TRPM3: variants seen among roughly 807,000 people sequenced by gnomAD.
The protein encoded by TRPM3 is long transient receptor potential channel 3.
In TRPM3, 77 loss-of-function variants were observed where a neutral mutation model predicts 181.2. The ratio of observed to expected loss-of-function variants is 0.42; its 90% CI spans 0.35 to 0.51. The LOEUF is 0.51. Ranked by LOEUF, TRPM3 falls within the 20% of genes least tolerant of loss-of-function variation. The pLI is 0.01. For missense variants in TRPM3, 1,759 were observed against 2,196.7 expected (o/e 0.80, Z 3.98); for synonymous variants, 745 against 796.4 (o/e 0.94, Z 1.09).
At chr9:71,275,378 A>G (rs1588238333) in intron 1 of TRPM3, among the ~76,000 whole-genome samples, 1 of 152,352 alleles carries the variant, frequency 6.6e-6, no homozygotes, top group East Asian at 1.9e-4. Context: ...GAAAGATATA[A>G]AAGAATAGTG....
intron 1 of TRPM3, among the ~76,000 whole-genome samples, chr9:71,117,276 A>C (rs1037630544): frequency 6.6e-6 from 1 of 152,172 alleles, no homozygotes; most frequent in Non-Finnish European, 1.5e-5. Flanking sequence ...ACCTCGCTGC[A>C]AAAATTCTTT....
At chr9:71,404,044 G>A (rs1424944436) in intron 1 of TRPM3, among the ~76,000 whole-genome samples, 3 of 152,156 alleles carry the variant, frequency 2.0e-5, no homozygotes, top group Admixed American at 6.6e-5. Flanking sequence ...AATGTCCAGT[G>A]TTTGTTCTAT....
intron 6 of TRPM3, among the ~76,000 whole-genome samples, chr9:70,791,263 C>G (rs2085323023): frequency 6.6e-6 from 1 of 152,088 alleles, no homozygotes; most frequent in Non-Finnish European, 1.5e-5. Flanking sequence ...AATCTTGCAC[C>G]TAAATTGATG....
At chr9:70,952,261 C>T (rs1376254760) in intron 1 of TRPM3, among the ~76,000 whole-genome samples, 2 of 152,116 alleles carry the variant, frequency 1.3e-5, no homozygotes, top group East Asian at 1.9e-4. Context: ...ACTATAACTG[C>T]AATTACATCT....
chr9:71,117,863 T>G (rs2072770705), intron 1 of TRPM3, among the ~76,000 whole-genome samples: 1 of 152,154 alleles, frequency 6.6e-6, no homozygotes, highest in Non-Finnish European at 1.5e-5. Context: ...TGCAACCCAT[T>G]TTTCAGAAGC....
intron 1 of TRPM3, among the ~76,000 whole-genome samples, chr9:71,058,157 TA>T (rs2060883364): frequency 1.3e-5 from 2 of 152,082 alleles, no homozygotes; most frequent in South Asian, 4.1e-4. Context: ...TAATATTAGA[TA>T]CATGTTTTAA....
intron 1 of TRPM3, among the ~76,000 whole-genome samples, chr9:71,102,881 G>A (rs1489226062): frequency 6.6e-6 from 1 of 152,096 alleles, no homozygotes; most frequent in African/African-American, 2.4e-5. Context: ...CTTGAAACAT[G>A]GGACATGGTC....
At chr9:70,664,962 C>T (rs1238105597) in intron 9 of TRPM3, among the ~76,000 whole-genome samples, 1 of 152,142 alleles carries the variant, frequency 6.6e-6, no homozygotes, top group African/African-American at 2.4e-5. Context: ...GAACGTACCT[C>T]TCACGCCCTC....
chr9:71,348,532 A>C lies in TRPM3; in HGVS notation c.183+98121T>G, dbSNP rs989669998. ...CATAGTTTGGTAGTTGACTTTTCTGAAAACAGTTTATTTATTTATATATTT... is the reference window on the plus strand; with the variant it reads ...CATAGTTTGGTAGTTGACTTTTCTGCAAACAGTTTATTTATTTATATATTT... On this transcript the variant is annotated intron_variant, in intron 1 of 24. Coordinates refer to the TRPM3 transcript ENST00000357533. 9.3e-5 allele frequency among the ~76,000 whole-genome samples: 14 copies of C among 150,056 alleles called. 1 individual carries two copies. The South Asian group carries it at 2.7e-3, about 29-fold the overall frequency.
chr9:71,161,376 C>T (rs1003011805), intron 1 of TRPM3, among the ~76,000 whole-genome samples: 1 of 152,030 alleles, frequency 6.6e-6, no homozygotes, highest in African/African-American at 2.4e-5. Flanking sequence ...ATCTATGACG[C>T]CCTGAACTTG....
intron 8 of TRPM3, among the ~76,000 whole-genome samples, chr9:70,743,758 C>T (rs547537245): frequency 6.6e-6 from 1 of 151,912 alleles, no homozygotes; most frequent in Admixed American, 6.6e-5. Context: ...CTAGGAAGAC[C>T]TTCCTAGAGT....
At chr9:71,220,128 T>C (rs529757208) in intron 1 of TRPM3, among the ~76,000 whole-genome samples, 1 of 152,162 alleles carries the variant, frequency 6.6e-6, no homozygotes, top group Non-Finnish European at 1.5e-5. Flanking sequence ...AAAAATTACA[T>C]GTTTAAAGCC....
intron 1 of TRPM3, among the ~76,000 whole-genome samples, chr9:71,045,945 G>C (rs1299191497): frequency 6.6e-6 from 1 of 151,596 alleles, no homozygotes; most frequent in African/African-American, 2.4e-5. Context: ...ATTTGCTAAT[G>C]TTTGACTTTC....
At chr9:70,931,693 T>C (rs1288460407) in intron 1 of TRPM3, among the ~76,000 whole-genome samples, 2 of 152,156 alleles carry the variant, frequency 1.3e-5, no homozygotes, top group South Asian at 4.1e-4. Context: ...AAATGACACA[T>C]CTTTTAGTAT....
intron 1 of TRPM3, among the ~76,000 whole-genome samples, chr9:70,896,194 C>T (rs2096276173): frequency 6.6e-6 from 1 of 152,114 alleles, no homozygotes; most frequent in South Asian, 2.1e-4. Context: ...GTTTTTGGTG[C>T]AGGCTGTTGT....
intron 1 of TRPM3, among the ~76,000 whole-genome samples, chr9:71,303,598 A>C (rs944696985): frequency 6.6e-6 from 1 of 152,204 alleles, no homozygotes; most frequent in African/African-American, 2.4e-5. Flanking sequence ...TTAGCTCATT[A>C]GTGAGAAGAT....
intron 1 of TRPM3, 95 bp downstream of exon 1, chr9:71,121,083 C>T: frequency 7.9e-7 from 1 of 1,272,464 alleles, no homozygotes; most frequent in Non-Finnish European, 1.1e-6. Context: ...TGCATTTAGG[C>T]TCCCCCAAAG....
Position 70,784,391 on chromosome 9 carries a change from G to C in TRPM3, c.974-112C>G, listed in dbSNP as rs2083129900. On this transcript the variant is annotated intron_variant, in intron 6 of 25. Transcript: ENST00000677713. ...CACAAACTAAAATTACTGAGCACGG[G>C]GGAGGTAGCAACATATGAAGGGATA... The C allele has an allele frequency of 4.2e-6, 5 of 1,195,786 alleles. No homozygotes were observed. In the Admixed American group the frequency reaches 8.5e-5, roughly 20 times the overall value. 74.1% of individuals were successfully genotyped at this position (1,195,786 alleles called of 1,614,324 possible). A position where few individuals can be genotyped will look rare whatever the true frequency, so the allele number is the denominator to read the frequency against.
In TRPM3 at chr9:70,772,077, G is replaced by A. The variant is rs1318859466; in HGVS notation, c.1149-10353C>T. ...GAATATAATTAAAAACAGGGAAAAT[G>A]TCAAATAATATTTGAGATCTATCAG... On this transcript the variant is annotated intron_variant, in intron 7 of 25. Coordinates refer to ENST00000677713, the MANE Select transcript of TRPM3 (RefSeq NM_001366145.2). Among the ~76,000 whole-genome samples, 5 of 152,104 alleles carry A rather than the reference G, an allele frequency of 3.3e-5. No homozygotes were observed. The South Asian group carries it at 1.0e-3, about 32-fold the overall frequency.
Sources: gnomAD v4.1 joint callset for allele counts (sites outside exome capture counted in the v4.1 genomes callset) on GRCh38, gnomAD v4.1.1 for gene constraint, MANE v1.5 for transcripts, NCBI Gene and HGNC (gene_info 2026-07-23, HGNC 2026-07-21) for gene names.